Variants in PPARGC1A observed in about 807,000 individuals in gnomAD.
PPARGC1A encodes peroxisome proliferator-activated receptor gamma coactivator 1-alpha.
In PPARGC1A, 25 loss-of-function variants were observed where a neutral mutation model predicts 88.7. The ratio of observed to expected loss-of-function variants is 0.28; its 90% CI spans 0.21 to 0.39. PPARGC1A has a LOEUF of 0.39. Ranked by LOEUF, PPARGC1A falls within the 10% of genes least tolerant of loss-of-function variation. The pLI is 1.00. For synonymous variants in PPARGC1A, 363 were observed against 355.6 expected (o/e 1.02, Z -0.24); for missense variants, 880 against 968.7 (o/e 0.91, Z 1.22).
At chr4:24,300,324 A>ATTTTTTTTTTTTTTTT in the PPARGC1A span, among the ~76,000 whole-genome samples, 1 of 45,028 alleles carries the variant, frequency 2.2e-5, no homozygotes, top group Non-Finnish European at 4.4e-5. Flanking sequence ...ATACAATAGC[A>ATTTTTTTTTTTTTTTT]TTTTTTTTTT....
the PPARGC1A span, among the ~76,000 whole-genome samples, chr4:24,443,300 A>G: frequency 6.6e-6 from 1 of 151,604 alleles, no homozygotes; most frequent in African/African-American, 2.4e-5. Context: ...TCAGAACCGT[A>G]AAGAGTAGGG....
the PPARGC1A span, among the ~76,000 whole-genome samples, chr4:24,306,222 A>G: frequency 6.6e-6 from 1 of 152,244 alleles, no homozygotes; most frequent in Non-Finnish European, 1.5e-5. Context: ...TAAAATCTCA[A>G]AAGAGACTGA....
the PPARGC1A span, among the ~76,000 whole-genome samples, chr4:24,195,677 G>T: frequency 2.6e-5 from 4 of 152,204 alleles, no homozygotes; most frequent in East Asian, 7.7e-4. Context: ...TCATGATATT[G>T]TCAAGCTTTT....
chr4:23,895,964 GTGTGTGTGTGTGTGTGTATATATA>G (rs1718530309), intron 1 of PPARGC1A, among the ~76,000 whole-genome samples: 1 of 53,432 alleles, frequency 1.9e-5, no homozygotes, highest in African/African-American at 1.8e-4. Context: ...GTGTGTGTGT[GTGTGTGTGTGTGTGTGTATATATA>G]TATACACACA....
chr4:23,926,112 C>T, the PPARGC1A span, among the ~76,000 whole-genome samples: 2 of 152,184 alleles, frequency 1.3e-5, no homozygotes, highest in African/African-American at 2.4e-5. Flanking sequence ...GCCCACTTTG[C>T]TTATTCTTCT....
intron 2 of PPARGC1A, 62 bp downstream of exon 2, chr4:23,884,690 C>A: frequency 1.4e-6 from 2 of 1,470,506 alleles, no homozygotes; most frequent in Non-Finnish European, 1.9e-6. Context: ...GGTCTATTAC[C>A]ATGTTAGTCG....
At chr4:24,026,919 A>G in the PPARGC1A span, among the ~76,000 whole-genome samples, 86 of 152,188 alleles carry the variant, frequency 5.7e-4, no homozygotes, top group Admixed American at 2.7e-3. Context: ...TGGGCCTCCT[A>G]TCCTGCCCTC....
At position 23,890,015 on chromosome 4, in the gene PPARGC1A, G is replaced by A; in HGVS notation, c.-58C>T. The A allele has an allele frequency of 1.2e-6, 2 of 1,609,432 alleles. No individual in the cohort carries two copies. The highest frequency in any genetic ancestry group is 1.7e-6 in the Non-Finnish European group (2 of 1,177,864). On this transcript the variant is annotated 5_prime_UTR_variant, in exon 1 of 13. Transcript: ENST00000264867. ...CAACTCCAATCCACAGTGACACAGA[G>A]CACACACTCATGCAGGCAACCAGCC...
At chr4:23,939,774 T>A in the PPARGC1A span, among the ~76,000 whole-genome samples, 1 of 152,020 alleles carries the variant, frequency 6.6e-6, no homozygotes, top group Non-Finnish European at 1.5e-5. Flanking sequence ...CTCTCACAAC[T>A]CAAGAAGAAA....
chr4:24,261,610 A>G, the PPARGC1A span, among the ~76,000 whole-genome samples: 1 of 152,242 alleles, frequency 6.6e-6, no homozygotes, highest in Non-Finnish European at 1.5e-5. Context: ...GTTCCTAGGA[A>G]GAGCTTTTAA....
At chr4:23,809,974 C>T (rs1164535725) in intron 10 of PPARGC1A, among the ~76,000 whole-genome samples, 1 of 152,112 alleles carries the variant, frequency 6.6e-6, no homozygotes, top group Non-Finnish European at 1.5e-5. Context: ...CACTGTATTG[C>T]CTGTTTGTGT....
chr4:24,131,257 A>C, the PPARGC1A span, among the ~76,000 whole-genome samples: 1 of 152,204 alleles, frequency 6.6e-6, no homozygotes, highest in Non-Finnish European at 1.5e-5. Context: ...TGAGCAGCAA[A>C]GTTATATCTA....
chr4:24,030,571 G>C, the PPARGC1A span, among the ~76,000 whole-genome samples: 1 of 152,134 alleles, frequency 6.6e-6, no homozygotes, highest in African/African-American at 2.4e-5. Flanking sequence ...AGCAGTTACT[G>C]TTCCCATTAT....
the PPARGC1A span, among the ~76,000 whole-genome samples, chr4:23,939,035 G>A: frequency 6.6e-6 from 1 of 152,132 alleles, no homozygotes; most frequent in African/African-American, 2.4e-5. Flanking sequence ...TGACTGCCCA[G>A]CCTGGGCAGC....
At chr4:24,079,514 T>C in the PPARGC1A span, among the ~76,000 whole-genome samples, 2 of 152,070 alleles carry the variant, frequency 1.3e-5, no homozygotes, top group African/African-American at 2.4e-5. Context: ...CATCAAGCCT[T>C]TTGGCTAGAT....
At chr4:23,898,094 T>C (rs2946388) in intron 1 of PPARGC1A, among the ~76,000 whole-genome samples, 117,607 of 152,156 alleles carry the variant, frequency 0.77, 46,384 homozygotes, top group African/African-American at 0.9. Flanking sequence ...ACATCCTTTC[T>C]TCCTAATATG....
At chr4:24,206,895 G>A in the PPARGC1A span, among the ~76,000 whole-genome samples, 3 of 131,204 alleles carry the variant, frequency 2.3e-5, no homozygotes, top group African/African-American at 8.5e-5. Context: ...GGGTTGCAAT[G>A]TTACATGTTT....
At chr4:24,174,188 G>C in the PPARGC1A span, among the ~76,000 whole-genome samples, 1 of 152,044 alleles carries the variant, frequency 6.6e-6, no homozygotes, top group Non-Finnish European at 1.5e-5. Context: ...CCTGTAAATG[G>C]GACAAATAAC....
the PPARGC1A span, among the ~76,000 whole-genome samples, chr4:24,188,371 G>A: frequency 4.6e-5 from 7 of 152,200 alleles, no homozygotes; most frequent in Non-Finnish European, 7.4e-5. Context: ...CCAAAGAAAC[G>A]AAAGGTGAGT....
Sources: allele counts gnomAD v4.1 joint callset (sites outside exome capture counted in the v4.1 genomes callset), GRCh38; gene constraint gnomAD v4.1.1; transcripts MANE v1.5; gene names NCBI Gene and HGNC (gene_info 2026-07-23, HGNC 2026-07-21).